The following SYT8 variants were observed in gnomAD, a reference collection of about 807,000 sequenced individuals.
The protein encoded by SYT8 is synaptotagmin 8.
In SYT8, 50 loss-of-function variants were observed where a neutral mutation model predicts 34.9. The ratio of observed to expected loss-of-function variants is 1.43; its 90% CI spans 1.14 to 1.81. The LOEUF (loss-of-function observed/expected upper bound fraction) is 1.81, where lower values mean the gene tolerates loss of function less well. SYT8 is among the 40% of genes most tolerant of loss of function. The probability of loss-of-function intolerance (pLI) is 0.00; values close to 1 mark genes in which losing one functional copy is unlikely to be tolerated. For synonymous variants in SYT8, 255 were observed against 234.2 expected, an observed-to-expected ratio of 1.09 and a Z score of -0.81; for missense variants, 595 against 529.0, an observed-to-expected ratio of 1.12 and a Z score of -1.22.
chr11:1,834,715 C>T, upstream of SYT8: 1 of 1,161,846 alleles, frequency 8.6e-7, no homozygotes, highest in South Asian at 1.3e-5. The surrounding 1 kb of genome is among the most constrained non-coding windows in gnomAD (Gnocchi z 4.5). Flanking sequence ...GGTCCAGGGC[C>T]CAGGAGAGAG....
At chr11:1,832,479 GC>G (rs1488190029), upstream of SYT8, among the ~76,000 whole-genome samples, 1 of 152,206 alleles carries the variant, frequency 6.6e-6, no homozygotes, top group Non-Finnish European at 1.5e-5. Context: ...GGGGAGAGCA[GC>G]CCCGGGAGGC....
At chr11:1,837,147 T>C (rs1326209861) in intron 7 of SYT8, 45 bp from the exon 8 acceptor site, 7 of 1,598,484 alleles carry the variant, frequency 4.4e-6, no homozygotes, top group Non-Finnish European at 2.6e-6. Flanking sequence ...ACGATGACTG[T>C]GGTCTTTCTC....
Position 1,836,437 on chromosome 11 carries a change from G to C in SYT8, c.529G>C (p.Glu177Gln). The C allele has an allele frequency of 5.1e-6, 8 of 1,574,638 alleles. No homozygotes were observed. Among genetic ancestry groups the C allele is most frequent in the Non-Finnish European group, 6.9e-6 (8 of 1,161,978 alleles). ...GCCGCTGCCTCAGATCCCGCAGGCG[G>C]AGCTGCCAGGGGCCACCCTGCAGGT... ...ETCCFHIPQA[E>Q]LPGATLQVQL... is the part of the protein sequence containing the mutation. The change falls in exon 5 of 8, where the codon GAG (glutamate) becomes CAG (glutamine). Residue 177 changes from glutamate to glutamine, a missense_variant. Transcript: ENST00000341958.
upstream of SYT8, chr11:1,834,250 C>G: frequency 2.1e-6 from 1 of 473,208 alleles, no homozygotes; most frequent in Non-Finnish European, 3.8e-6. The surrounding 1 kb of genome is among the most constrained non-coding windows in gnomAD (Gnocchi z 4.5). Flanking sequence ...CCTAGGCAGG[C>G]GGGTACAGGG....
At chr11:1,834,620 G>A (rs1346764021), upstream of SYT8, 3 of 1,584,240 alleles carry the variant, frequency 1.9e-6, no homozygotes, top group East Asian at 4.6e-5. The surrounding 1 kb of genome is among the most constrained non-coding windows in gnomAD (Gnocchi z 4.5). Context: ...CAGCTGTGGT[G>A]CGTGCTGGGG....
chr11:1,836,576 C>A lies in SYT8; in HGVS notation c.668C>A (p.Pro223Gln). The A allele has an allele frequency of 6.2e-7, 1 of 1,610,962 alleles. No homozygotes were observed. The highest frequency in any genetic ancestry group is 8.5e-7 in the Non-Finnish European group (1 of 1,179,206). The change falls in exon 5 of 8, where the codon CCG becomes CAG. Residue 223 changes from proline to glutamine, a missense_variant. Physicochemically the swap from Pro to Gln is moderately conservative, Grantham distance 76 (BLOSUM62 -1). Coordinates refer to ENST00000341958, the MANE Select transcript of SYT8 (RefSeq NM_001394072.1). ...HVLEHWYLLG[P>Q]PAATQPEQVG... ...CTGGAGCACTGGTACCTGCTGGGCC[C>A]GCCGGCTGCCACTCAGGTGAGGTGC...
chr11:1,836,088 C>T lies in SYT8; in HGVS notation c.358-38C>T, dbSNP rs1473344069. On this transcript the variant is annotated intron_variant, in intron 3 of 7. Coordinates refer to ENST00000341958, the MANE Select transcript of SYT8 (RefSeq NM_001394072.1). ...CCTGGGTGGTGGGGAGCTGACAGGG[C>T]AGGGGCCCTTGGCTGAGCCCACCCC... 2.6e-6 allele frequency: 4 copies of T among 1,539,022 alleles called. No individual in the cohort carries two copies. The African/African-American group carries it at 4.1e-5, about 16-fold the overall frequency.
upstream of SYT8, among the ~76,000 whole-genome samples, chr11:1,832,416 GAGA>G (rs1339623503): frequency 6.6e-6 from 1 of 152,172 alleles, no homozygotes; most frequent in Admixed American, 6.5e-5. Flanking sequence ...TGAACTCCCA[GAGA>G]AGGTTTTCCC....
Position 1,836,254 on chromosome 11 carries a change from C to A in SYT8, c.486C>A (p.Cys162Ter), listed in dbSNP as rs745631894. 2 of 1,575,332 alleles carry A rather than the reference C, an allele frequency of 1.3e-6. No individual in the cohort carries two copies. The highest frequency in any genetic ancestry group is 1.2e-5 in the South Asian group (1 of 84,364). The change falls in exon 4 of 8, where the codon TGC (cysteine) becomes TGA (stop). Residue 162 changes from cysteine (C) to a stop codon, truncating the protein, a stop_gained. Coordinates refer to ENST00000341958, the MANE Select transcript of SYT8 (RefSeq NM_001394072.1). LOFTEE classifies it high-confidence loss of function. ...HETKVHRGTL[C>*]PVFDETCCFH... ...CAAAAGTGCACCGAGGCACGCTCTG[C>A]CCCGTGTTTGACGAGACCTGCTGCT...
chr11:1,834,639 A>G (rs1846800854), upstream of SYT8: 2 of 1,576,798 alleles, frequency 1.3e-6, no homozygotes, highest in South Asian at 1.2e-5. This position sits in a 1 kb window ranked among gnomAD's most constrained non-coding sequence, Gnocchi z 4.5. Flanking sequence ...GGTAGAGGCA[A>G]GGAAGTGATG....
Position 1,836,061 on chromosome 11 carries a change from G to A in SYT8, c.358-65G>A, listed in dbSNP as rs774236859. 41 of 1,564,372 alleles carry A rather than the reference G, an allele frequency of 2.6e-5. No homozygotes were observed. In the East Asian group the frequency reaches 8.8e-4, roughly 34 times the overall value. On this transcript the variant is annotated intron_variant, in intron 3 of 7. Transcript: ENST00000341958. ...GTGACGGGGGAAGGGCAGACCCCAT[G>A]CCCTGGGTGGTGGGGAGCTGACAGG...
At chr11:1,832,895 G>A (rs866199654), upstream of SYT8, among the ~76,000 whole-genome samples, 1 of 152,290 alleles carries the variant, frequency 6.6e-6, no homozygotes, top group African/African-American at 2.4e-5. Flanking sequence ...AAAGGAGGGG[G>A]GACGCCAGCA....
chr11:1,835,938 G>A lies in SYT8; in HGVS notation c.311G>A (p.Trp104Ter), dbSNP rs149898219. 2 of 1,608,836 alleles carry A rather than the reference G, an allele frequency of 1.2e-6. No individual in the cohort carries two copies. The highest frequency in any genetic ancestry group is 2.7e-5 in the African/African-American group (2 of 74,668). ...LESSPGDAQQWGCLQLSLEFD... is the reference protein window; with the variant it reads ...LESSPGDAQQ ...TCCAGCCCGGGGGATGCTCAGCAAT[G>A]GGGGTGCCTGCAGCTCTCCCTGGAG... Residue 104 changes from tryptophan to a stop codon, truncating the protein, a stop_gained, in exon 3 of 8, where the codon TGG becomes TAG. Transcript: ENST00000341958. LOFTEE classifies it high-confidence loss of function.
upstream of SYT8, chr11:1,834,504 C>T (rs949568987): frequency 6.2e-6 from 9 of 1,448,988 alleles, no homozygotes; most frequent in African/African-American, 1.1e-4. This position sits in a 1 kb window ranked among gnomAD's most constrained non-coding sequence, Gnocchi z 4.5. Context: ...CGACAGCCAG[C>T]CCTGCTCCTC....
Position 1,835,417 on chromosome 11 carries a change from C to T in SYT8, c.216C>T (p.Ser72=), listed in dbSNP as rs753054817. The T allele has an allele frequency of 5.6e-6, 9 of 1,609,490 alleles. No individual in the cohort carries two copies. Among genetic ancestry groups the T allele is most frequent in the African/African-American group, 4.0e-5 (3 of 74,894 alleles). Residue 72 remains serine, a synonymous_variant, in exon 2 of 8, where the codon TCC becomes TCT. Coordinates refer to ENST00000341958, the MANE Select transcript of SYT8 (RefSeq NM_001394072.1). ...RHRKKPRDKE[S]VGLGSARGTT... is the part of the protein sequence containing the mutation. ...GGAAGAAGCCCAGGGACAAGGAGTCCGTGGGTCTGGGCAGTGCCCGCGGCA... is the reference window on the plus strand; with the variant it reads ...GGAAGAAGCCCAGGGACAAGGAGTCTGTGGGTCTGGGCAGTGCCCGCGGCA...
upstream of SYT8, among the ~76,000 whole-genome samples, chr11:1,832,933 G>A (rs1035679585): frequency 2.6e-5 from 4 of 152,166 alleles, no homozygotes; most frequent in Non-Finnish European, 5.9e-5. Flanking sequence ...AGGGGCGCAC[G>A]CACACGCACA....
intron 2 of SYT8, 128 bp from the exon 3 acceptor site, chr11:1,835,758 G>C: frequency 1.2e-6 from 1 of 864,290 alleles, no homozygotes; most frequent in Non-Finnish European, 1.8e-6. Context: ...GACGATTTGT[G>C]CCTGTTGGGT....
At chr11:1,834,699 G>A (rs1050380020), upstream of SYT8, 9 of 1,346,160 alleles carry the variant, frequency 6.7e-6, no homozygotes, top group Non-Finnish European at 8.3e-6. The surrounding 1 kb of genome is among the most constrained non-coding windows in gnomAD (Gnocchi z 4.5). Flanking sequence ...CCCAGGCAGG[G>A]CCCAGGGTCC....
At chr11:1,836,308 GTGGGCCTGGACGGCTGGA>G (rs1846926453) in intron 4 of SYT8, 24 bp downstream of exon 4, 11 of 1,522,086 alleles carry the variant, frequency 7.2e-6, no homozygotes, top group East Asian at 4.7e-5. Flanking sequence ...GGTCGGCTGG[GTGGGCCTGGACGGCTGGA>G]TGGGCCTGGG....
Sources: gnomAD v4.1 joint callset for allele counts (sites outside exome capture counted in the v4.1 genomes callset) on GRCh38, gnomAD v4.1.1 for gene constraint, Gnocchi (gnomAD v3.1) non-coding constraint, MANE v1.5 for transcripts, NCBI Gene and HGNC (gene_info 2026-07-23, HGNC 2026-07-21) for gene names.